KAZN: variants seen among roughly 807,000 people sequenced by gnomAD.
KAZN encodes the protein kazrin, periplakin interacting protein, also known as kazrin.
A neutral mutation model predicts 87.4 loss-of-function variants in KAZN; 40 were observed. The ratio of observed to expected loss-of-function variants is 0.46; its 90% confidence interval spans 0.36 to 0.60. KAZN has a LOEUF of 0.60. KAZN is among the 20% of genes least tolerant of loss of function. The probability of loss-of-function intolerance (pLI) is 0.00; values close to 1 mark genes in which losing one functional copy is unlikely to be tolerated. For missense variants in KAZN, 898 were observed against 1,073.9 expected (o/e 0.84, Z 2.29); for synonymous variants, 466 against 458.3 (o/e 1.02, Z -0.22).
At chr1:14,585,043 G>A (rs1675770219) in intron 2 of KAZN, among the ~76,000 whole-genome samples, 1 of 152,144 alleles carries the variant, frequency 6.6e-6, no homozygotes, top group African/African-American at 2.4e-5. Flanking sequence ...AGGAGATGAG[G>A]ACACAGACAT....
At chr1:14,514,985 T>C (rs1407591514) in intron 2 of KAZN, among the ~76,000 whole-genome samples, 1 of 152,192 alleles carries the variant, frequency 6.6e-6, no homozygotes, top group Non-Finnish European at 1.5e-5. Flanking sequence ...ACATAGAGTA[T>C]CCCATTCCTC....
intron 2 of KAZN, among the ~76,000 whole-genome samples, chr1:14,467,969 C>G (rs78179663): frequency 1.3e-5 from 2 of 152,136 alleles, no homozygotes; most frequent in Non-Finnish European, 2.9e-5. Context: ...GCATAAATCA[C>G]GTGCTCTTCT....
intron 2 of KAZN, among the ~76,000 whole-genome samples, chr1:14,403,517 T>C (rs1663588656): frequency 6.6e-6 from 1 of 152,140 alleles, no homozygotes; most frequent in East Asian, 1.9e-4. Flanking sequence ...TTGCAACATA[T>C]AACTGAATTA....
intron 1 of KAZN, among the ~76,000 whole-genome samples, chr1:14,044,122 T>C (rs980238800): frequency 6.6e-6 from 1 of 151,972 alleles, no homozygotes; most frequent in African/African-American, 2.4e-5. Context: ...TCTCTCTCTC[T>C]CTCCCTCCTC....
intron 1 of KAZN, among the ~76,000 whole-genome samples, chr1:14,050,240 ATG>A (rs1642270715): frequency 6.6e-6 from 1 of 150,556 alleles, no homozygotes; most frequent in Non-Finnish European, 1.5e-5. Context: ...ATATGTGTGG[ATG>A]TGTGTGGGCA....
chr1:14,256,995 TTGAC>T lies in KAZN; in HGVS notation c.249+76411_249+76414del, dbSNP rs145978977. ...CCACAATATGACAAAATAAGCATGT[TTGAC>T]TGACTGATCCTCTGCTCAGAGGCTG... On this transcript the variant is annotated intron_variant, in intron 2 of 16. Transcript: ENST00000636203. 4.9e-3 allele frequency among the ~76,000 whole-genome samples: 746 copies of T among 152,292 alleles called. 4 individuals carry two copies. The highest frequency in any genetic ancestry group is 0.017 in the African/African-American group (712 of 41,574).
At chr1:14,555,950 A>G (rs1314202040) in intron 2 of KAZN, among the ~76,000 whole-genome samples, 7 of 152,218 alleles carry the variant, frequency 4.6e-5, no homozygotes. Context: ...TGAACAGTAC[A>G]TGTGCAAAAA....
chr1:13,981,095 A>ATATTTATATATATATATATATATATG (rs1638659578), intron 1 of KAZN, among the ~76,000 whole-genome samples: 1 of 104,244 alleles, frequency 9.6e-6, no homozygotes, highest in African/African-American at 3.9e-5. Context: ...CTCTTTATAT[A>ATATTTATATATATATATATATATATG]TATATATATA....
chr1:14,287,147 T>G (rs1349634351), intron 2 of KAZN, among the ~76,000 whole-genome samples: 3 of 152,242 alleles, frequency 2.0e-5, no homozygotes, highest in Non-Finnish European at 4.4e-5. Context: ...GGAAATCCAC[T>G]GACCTCCAGA....
chr1:14,826,154 C>T (rs919548994), intron 1 of KAZN, among the ~76,000 whole-genome samples: 4 of 152,172 alleles, frequency 2.6e-5, no homozygotes, highest in South Asian at 4.2e-4. Context: ...GGTGGAAGCC[C>T]GTGCACCCCC....
intron 1 of KAZN, among the ~76,000 whole-genome samples, chr1:14,095,400 A>G (rs1212101985): frequency 6.6e-6 from 1 of 152,240 alleles, no homozygotes; most frequent in Non-Finnish European, 1.5e-5. Context: ...CTACTATATC[A>G]GTTATCTGTT....
At chr1:14,511,796 C>A (rs569920255) in intron 2 of KAZN, among the ~76,000 whole-genome samples, 12 of 152,110 alleles carry the variant, frequency 7.9e-5, no homozygotes, top group African/African-American at 2.9e-4. Context: ...GAAATGGAAA[C>A]CAGCAGCTTC....
Position 14,598,830 on chromosome 1 carries a change from A to C in KAZN, c.-168A>C, listed in dbSNP as rs1240649414. Reference sequence around the variant, plus strand: ...GGCTAGGGCTGGAGGCGCCGCTGTCATTCCTGTGCCGGAGGAACCGGCGCT... The same window carrying C: ...GGCTAGGGCTGGAGGCGCCGCTGTCCTTCCTGTGCCGGAGGAACCGGCGCT... On this transcript the variant is annotated 5_prime_UTR_variant, in exon 1 of 15. Transcript: ENST00000376030. This position sits in a 1 kb window ranked among gnomAD's most constrained non-coding sequence, Gnocchi z 4.2. The C allele has an allele frequency of 5.1e-6, 7 of 1,372,530 alleles. No individual in the cohort carries two copies. The highest frequency in any genetic ancestry group is 6.6e-6 in the Non-Finnish European group (7 of 1,067,218). 85.0% of individuals were successfully genotyped at this position (1,372,530 alleles called of 1,614,324 possible).
Position 15,114,506 on chromosome 1 carries a change from CAAAGAT to C in KAZN, c.2200_2205del (p.Lys734_Asp735del). The C allele has an allele frequency of 6.2e-7, 1 of 1,612,090 alleles. No individual in the cohort carries two copies. On this transcript the variant is annotated inframe_deletion, in exon 15 of 15. Coordinates refer to ENST00000376030, the MANE Select transcript of KAZN (RefSeq NM_201628.3). The stretch of plus-strand genomic sequence containing the variant: ...GGAAGATAGGAAGGGGCTTCAGCAG[CAAAGAT>C]CCCGATTTCCATGATGACTATGGCT...
chr1:14,045,138 A>C (rs754682630), intron 1 of KAZN, among the ~76,000 whole-genome samples: 1 of 152,220 alleles, frequency 6.6e-6, no homozygotes, highest in South Asian at 2.1e-4. Flanking sequence ...AGCTGAGACC[A>C]CTTGGATCAG....
At chr1:14,666,867 C>G (rs1639589185) in intron 1 of KAZN, among the ~76,000 whole-genome samples, 1 of 152,166 alleles carries the variant, frequency 6.6e-6, no homozygotes, top group Non-Finnish European at 1.5e-5. Flanking sequence ...TCCCGAGTAG[C>G]TGGGACTACA....
chr1:14,050,740 G>A (rs567942368), intron 1 of KAZN, among the ~76,000 whole-genome samples: 1 of 152,154 alleles, frequency 6.6e-6, no homozygotes, highest in African/African-American at 2.4e-5. Context: ...TTCCCCCATT[G>A]AGCTCTCAGC....
chr1:14,908,061 G>C (rs10449293), intron 1 of KAZN, among the ~76,000 whole-genome samples: 33,044 of 152,124 alleles, frequency 0.22, 4,188 homozygotes, highest in South Asian at 0.36. Context: ...TTGAGGACAA[G>C]CCAAGAGGCG....
At chr1:14,757,687 G>A (rs985095865) in intron 1 of KAZN, among the ~76,000 whole-genome samples, 2 of 152,190 alleles carry the variant, frequency 1.3e-5, no homozygotes, top group African/African-American at 4.8e-5. Flanking sequence ...TCAATAGTTT[G>A]TCGCAGTAGT....
Sources: allele counts gnomAD v4.1 joint callset (sites outside exome capture counted in the v4.1 genomes callset), GRCh38; gene constraint gnomAD v4.1.1; non-coding constraint Gnocchi (gnomAD v3.1); transcripts MANE v1.5; gene names NCBI Gene and HGNC (gene_info 2026-07-23, HGNC 2026-07-21).